The following CNTNAP5 variants were observed in gnomAD, a reference collection of about 807,000 sequenced individuals.
CNTNAP5 encodes the protein contactin-associated protein-like 5.
Under a neutral mutation model 150.2 loss-of-function variants are expected in CNTNAP5, and 72 were observed. The observed-to-expected ratio is 0.48, with a 90% CI of 0.40 to 0.58. CNTNAP5 has a LOEUF of 0.58. CNTNAP5 is among the 20% of genes least tolerant of loss of function. The pLI is 0.00. For synonymous variants in CNTNAP5, 672 were observed against 619.8 expected (o/e 1.08, Z -1.25); for missense variants, 1,636 against 1,626.2 (o/e 1.01, Z -0.10).
chr2:124,580,943 T>C (rs1397067060), intron 11 of CNTNAP5, among the ~76,000 whole-genome samples: 2 of 152,190 alleles, frequency 1.3e-5, no homozygotes, highest in Non-Finnish European at 2.9e-5. Context: ...AGGATGCAGG[T>C]ATTTGCATAA....
Position 124,262,301 on chromosome 2 carries a change from T to C in CNTNAP5, c.381+19908T>C, listed in dbSNP as rs539546989. Among the ~76,000 whole-genome samples the C allele has an allele frequency of 1.1e-4, 16 of 152,198 alleles. No individual in the cohort carries two copies. The South Asian group carries it at 2.7e-3, about 26-fold the overall frequency. ...CTAAGCAGGACTATGATGAAAGATA[T>C]ATAATAGAAAAGTATGATATGAATC... On this transcript the variant is annotated intron_variant, in intron 3 of 23. Coordinates refer to ENST00000682447, the MANE Select transcript of CNTNAP5 (RefSeq NM_001367498.1).
intron 3 of CNTNAP5, among the ~76,000 whole-genome samples, chr2:124,367,315 T>G (rs143335438): frequency 1.6e-3 from 241 of 152,286 alleles, no homozygotes; most frequent in African/African-American, 5.1e-3. Flanking sequence ...GACTCAAAGT[T>G]CTGCAGGGCT....
chr2:124,228,910 A>G (rs574757346), intron 2 of CNTNAP5, among the ~76,000 whole-genome samples: 2 of 152,204 alleles, frequency 1.3e-5, no homozygotes, highest in Admixed American at 6.5e-5. Flanking sequence ...GTCCTCAATA[A>G]TATCCTTGTA....
At chr2:124,775,694 G>A (rs922863) in intron 17 of CNTNAP5, among the ~76,000 whole-genome samples, 28,271 of 152,058 alleles carry the variant, frequency 0.19, 4,096 homozygotes, top group East Asian at 0.79. Flanking sequence ...ACTTCAGGCT[G>A]TTATATCACC....
At chr2:124,493,599 C>G (rs1694081091) in intron 7 of CNTNAP5, among the ~76,000 whole-genome samples, 2 of 152,074 alleles carry the variant, frequency 1.3e-5, no homozygotes, top group African/African-American at 4.8e-5. Flanking sequence ...CTCTGCCTCC[C>G]AAGTTCTGGG....
chr2:124,164,058 G>C (rs372641603), intron 1 of CNTNAP5, among the ~76,000 whole-genome samples: 1 of 152,062 alleles, frequency 6.6e-6, no homozygotes, highest in Non-Finnish European at 1.5e-5. Context: ...TGTTCTCCTT[G>C]TGTTTCTGGC....
intron 14 of CNTNAP5, among the ~76,000 whole-genome samples, chr2:124,751,774 G>A (rs1010593854): frequency 4.6e-5 from 7 of 152,192 alleles, no homozygotes; most frequent in Non-Finnish European, 8.8e-5. Context: ...TGTATAGCAC[G>A]CAGTGGATAG....
intron 3 of CNTNAP5, among the ~76,000 whole-genome samples, chr2:124,377,707 T>C (rs1487115066): frequency 7.0e-6 from 1 of 143,836 alleles, no homozygotes; most frequent in Non-Finnish European, 1.5e-5. Context: ...AAAAAATAAA[T>C]GCACCTTTTT....
Position 124,400,669 on chromosome 2 carries a change from G to GTTTTTT in CNTNAP5, c.382-16760_382-16755dup, listed in dbSNP as rs760418441. Among the ~76,000 whole-genome samples, 417 of 84,440 alleles carry GTTTTTT rather than the reference G, an allele frequency of 4.9e-3. 25 individuals carry two copies. Among genetic ancestry groups the GTTTTTT allele is most frequent in the African/African-American group, 0.013 (342 of 26,650 alleles). 55.4% of individuals were successfully genotyped at this position (84,440 alleles called of 152,430 possible). A position where few individuals can be genotyped will look rare whatever the true frequency, so the allele number is the denominator to read the frequency against. On this transcript the variant is annotated intron_variant, in intron 3 of 23. Coordinates refer to ENST00000682447, the MANE Select transcript of CNTNAP5 (RefSeq NM_001367498.1). ...TAATTTTTGAAAGGATAAAGGCATT[G>GTTTTTT]TTTTTTTTTTTTTTTTTTTGTTTTT...
intron 1 of CNTNAP5, among the ~76,000 whole-genome samples, chr2:124,104,545 T>C (rs906669324): frequency 6.6e-6 from 1 of 152,154 alleles, no homozygotes; most frequent in Non-Finnish European, 1.5e-5. Flanking sequence ...TTGTTTTTGT[T>C]TTCAGGTAAG....
rs114058495 is a variant in CNTNAP5 at position 124,321,838 on chromosome 2, C to T, written c.381+79445C>T. Among the ~76,000 whole-genome samples the T allele has an allele frequency of 3.7e-3, 557 of 152,150 alleles. 1 individual carries two copies. Among genetic ancestry groups the T allele is most frequent in the Middle Eastern group, 0.017 (5 of 294 alleles). On this transcript the variant is annotated intron_variant, in intron 3 of 23. Transcript: ENST00000682447. ...TGTTAAGAGGATTCTAATTTTAAGG[C>T]TCTAAATTTAAATTTAAAATGCTTA...
chr2:124,895,851 G>A (rs1239596043), intron 21 of CNTNAP5, among the ~76,000 whole-genome samples: 1 of 151,444 alleles, frequency 6.6e-6, no homozygotes, highest in Non-Finnish European at 1.5e-5. Context: ...GGTGCCCAAG[G>A]AAGTCCTCTG....
intron 19 of CNTNAP5, among the ~76,000 whole-genome samples, chr2:124,817,425 A>C (rs1180735579): frequency 2.6e-5 from 4 of 152,122 alleles, no homozygotes; most frequent in African/African-American, 9.7e-5. Flanking sequence ...GTAAAACAAC[A>C]CAACACACAA....
chr2:124,274,072 T>C (rs1232213925), intron 3 of CNTNAP5, among the ~76,000 whole-genome samples: 1 of 152,206 alleles, frequency 6.6e-6, no homozygotes, highest in African/African-American at 2.4e-5. Context: ...TTTAAGCAAA[T>C]GTACCCCAGA....
intron 6 of CNTNAP5, 99 bp downstream of exon 6, chr2:124,447,036 C>T (rs966960072): frequency 7.8e-6 from 9 of 1,156,572 alleles, no homozygotes; most frequent in East Asian, 4.8e-5. Flanking sequence ...TGGTGGGGCA[C>T]TGAGGAGTCT....
rs1205496626 is a variant in CNTNAP5, at chr2:124,357,650, T to A, written c.382-59793T>A. On this transcript the variant is annotated intron_variant, in intron 3 of 23. Coordinates refer to ENST00000682447, the MANE Select transcript of CNTNAP5 (RefSeq NM_001367498.1). ...GGCATTATTTCTGAGGGCTCTGTTC[T>A]GTTCCATTGATCTATATCTCTGTTT... Among the ~76,000 whole-genome samples the A allele has an allele frequency of 8.5e-5, 12 of 141,404 alleles. No individual in the cohort carries two copies. The Admixed American group carries it at 8.5e-4, about 10-fold the overall frequency. 92.8% of individuals were successfully genotyped at this position (141,404 alleles called of 152,430 possible). A position where few individuals can be genotyped will look rare whatever the true frequency, so the allele number is the denominator to read the frequency against.
At chr2:124,691,005 A>G (rs1203559341) in intron 13 of CNTNAP5, among the ~76,000 whole-genome samples, 1 of 152,138 alleles carries the variant, frequency 6.6e-6, no homozygotes, top group Non-Finnish European at 1.5e-5. Flanking sequence ...CTTTTACACA[A>G]TACAGAAGCC....
At position 124,706,769 on chromosome 2, in the gene CNTNAP5, A is replaced by AGAAGAAGAAGAC. The variant is rs1679650395; in HGVS notation, c.2078-40449_2078-40448insCGAAGAAGAAGA. 1.3e-4 allele frequency among the ~76,000 whole-genome samples: 5 copies of AGAAGAAGAAGAC among 37,190 alleles called. 1 individual carries two copies. Among genetic ancestry groups the AGAAGAAGAAGAC allele is most frequent in the African/African-American group, 6.1e-4 (5 of 8,224 alleles). The allele number at this position is 37,190 out of a possible 152,430, so 24.4% of individuals were successfully genotyped here. ...TTCAAGAAGAAGAAGAAGAAGAAGAAGAAGAAGAAGAAGAAGAAGAAGAAG... is the reference window on the plus strand; with the variant it reads ...TTCAAGAAGAAGAAGAAGAAGAAGAAGAAGAAGAAGACGAAGAAGAAGAAGAAGAAGAAGAAG... On this transcript the variant is annotated intron_variant, in intron 13 of 23. Transcript: ENST00000682447.
At chr2:124,439,990 A>G (rs1360315286) in intron 5 of CNTNAP5, among the ~76,000 whole-genome samples, 6 of 152,164 alleles carry the variant, frequency 3.9e-5, no homozygotes, top group African/African-American at 1.4e-4. Context: ...AATGAGGGAG[A>G]ATGAGAGTAT....
Sources: gnomAD v4.1 joint callset for allele counts (sites outside exome capture counted in the v4.1 genomes callset) on GRCh38, gnomAD v4.1.1 for gene constraint, MANE v1.5 for transcripts, NCBI Gene and HGNC (gene_info 2026-07-23, HGNC 2026-07-21) for gene names.